ABLIM2: variants seen among roughly 807,000 people sequenced by gnomAD.
ABLIM2 encodes actin-binding LIM protein 2.
ABLIM2 carries 53 observed loss-of-function variants against 97.7 expected under a neutral mutation model. That is an observed-to-expected ratio of 0.54 (90% CI 0.44 to 0.68). ABLIM2 has a LOEUF of 0.68. Ranked by LOEUF, ABLIM2 falls within the 30% of genes least tolerant of loss-of-function variation. ABLIM2 has a pLI of 0.00. For missense variants in ABLIM2, 835 were observed against 867.2 expected (o/e 0.96, Z 0.47); for synonymous variants, 361 against 345.8 (o/e 1.04, Z -0.49).
intron 6 of ABLIM2, among the ~76,000 whole-genome samples, chr4:8,063,864 T>G (rs1420065185): frequency 6.6e-6 from 1 of 152,238 alleles, no homozygotes; most frequent in Non-Finnish European, 1.5e-5. Context: ...TGAATAAGCC[T>G]AGGCATGCCT....
chr4:8,107,041 C>A (rs1473654974), intron 1 of ABLIM2, among the ~76,000 whole-genome samples: 1 of 152,234 alleles, frequency 6.6e-6, no homozygotes, highest in Non-Finnish European at 1.5e-5. Context: ...GACAAGGCAC[C>A]CCTCTGTGAG....
intron 7 of ABLIM2, among the ~76,000 whole-genome samples, chr4:8,059,407 G>A (rs779926024): frequency 2.6e-5 from 4 of 151,980 alleles, no homozygotes; most frequent in East Asian, 3.9e-4. Context: ...CAACTCTAAC[G>A]GTGTCTCCTC....
chr4:8,054,446 G>A lies in ABLIM2; in HGVS notation c.764-200C>T, dbSNP rs1183559789. Among the ~76,000 whole-genome samples, 10 of 152,222 alleles carry A rather than the reference G, an allele frequency of 6.6e-5. No individual in the cohort carries two copies. Among genetic ancestry groups the A allele is most frequent in the Non-Finnish European group, 1.0e-4 (7 of 68,034 alleles). On this transcript the variant is annotated intron_variant, in intron 7 of 20. Coordinates refer to ENST00000447017, the MANE Select transcript of ABLIM2 (RefSeq NM_001130083.2). The surrounding 1 kb of genome is among the most constrained non-coding windows in gnomAD (Gnocchi z 4.9). ...CCAGATCACAGTCCCCGCCCCTCAG[G>A]GGCTCACAGCCCAGTTGTGGGACGG...
At position 8,003,812 on chromosome 4, in the gene ABLIM2, GC is replaced by G. The variant is rs1292939079; in HGVS notation, c.1618+4246del. 6.6e-6 allele frequency among the ~76,000 whole-genome samples: 1 copy of G among 151,960 alleles called. No homozygotes were observed. The highest frequency in any genetic ancestry group is 1.5e-5 in the Non-Finnish European group (1 of 67,998). On this transcript the variant is annotated intron_variant, in intron 16 of 20. Transcript: ENST00000447017. The surrounding 1 kb of genome is among the most constrained non-coding windows in gnomAD (Gnocchi z 4.2). The stretch of plus-strand genomic sequence containing the variant: ...ACTCCTGACCTCAGGTGATCTGCCC[GC>G]CTCGGCCTCCCAAAGTGCTGGGATT...
intron 2 of ABLIM2, among the ~76,000 whole-genome samples, chr4:8,103,013 T>C (rs1234526693): frequency 2.0e-5 from 3 of 152,200 alleles, no homozygotes; most frequent in Admixed American, 1.3e-4. Flanking sequence ...CTGCATGCCA[T>C]GCGGTGAGAA....
At chr4:8,034,613 G>C (rs1383328752) in intron 10 of ABLIM2, among the ~76,000 whole-genome samples, 1 of 65,378 alleles carries the variant, frequency 1.5e-5, no homozygotes, top group Non-Finnish European at 3.0e-5. Flanking sequence ...AGGTGGGTGG[G>C]TGGTAGGTAG....
chr4:8,010,636 C>G (rs1377054349), intron 14 of ABLIM2: 1 of 946,072 alleles, frequency 1.1e-6, no homozygotes, highest in Non-Finnish European at 1.3e-6. Context: ...CTACCTGTTT[C>G]TCCTTCTTCC....
At position 8,032,942 on chromosome 4, in the gene ABLIM2, C is replaced by T. The variant is rs1023309717; in HGVS notation, c.1048-3166G>A. ...CCAATGAGCCCAGAGCTTGTCTCTA[C>T]CTGGCCACCCCCACGTCCCACTGTT... On this transcript the variant is annotated intron_variant, in intron 10 of 20. Coordinates refer to ENST00000447017, the MANE Select transcript of ABLIM2 (RefSeq NM_001130083.2). The surrounding 1 kb of genome is among the most constrained non-coding windows in gnomAD (Gnocchi z 4.3). Among the ~76,000 whole-genome samples, 17 of 152,322 alleles carry T rather than the reference C, an allele frequency of 1.1e-4. No individual in the cohort carries two copies. The highest frequency in any genetic ancestry group is 4.1e-4 in the African/African-American group (17 of 41,564).
chr4:8,010,410 C>G, intron 14 of ABLIM2: 1 of 985,908 alleles, frequency 1.0e-6, no homozygotes, highest in Non-Finnish European at 1.2e-6. Context: ...AGGAAGGACA[C>G]GCCGAGGTGG....
Position 8,004,888 on chromosome 4 carries a change from G to A in ABLIM2, c.1618+3171C>T, listed in dbSNP as rs79911041. Among the ~76,000 whole-genome samples the A allele has an allele frequency of 8.7e-3, 1,328 of 152,338 alleles. 18 individuals carry two copies. Among genetic ancestry groups the A allele is most frequent in the African/African-American group, 0.03 (1,251 of 41,576 alleles). ...TTTCACTATGACGCCCTCTTTGGAG[G>A]GGTGGCAATGCCTGCTGGGAACTAA... On this transcript the variant is annotated intron_variant, in intron 16 of 20. Coordinates refer to ENST00000447017, the MANE Select transcript of ABLIM2 (RefSeq NM_001130083.2). This position sits in a 1 kb window ranked among gnomAD's most constrained non-coding sequence, Gnocchi z 5.9.
At chr4:8,141,538 A>G (rs897734693) in intron 1 of ABLIM2, among the ~76,000 whole-genome samples, 1 of 152,236 alleles carries the variant, frequency 6.6e-6, no homozygotes, top group African/African-American at 2.4e-5. Context: ...TATTAAGCAG[A>G]CTATGCTTTT....
rs1255743105 is a variant in ABLIM2, at chr4:7,965,846, G to T, written c.*1144C>A. 2 of 152,238 alleles carry T rather than the reference G, an allele frequency of 1.3e-5. No homozygotes were observed. The highest frequency in any genetic ancestry group is 4.8e-5 in the African/African-American group (2 of 41,430). The allele number at this position is 152,238 out of a possible 1,614,324, so 9.4% of individuals were successfully genotyped here. ...CAACAGCGTGTGGTTGTCTGTTTCA[G>T]GGAGCACATCGCTCCTGGGGCATGT... On this transcript the variant is annotated 3_prime_UTR_variant, in exon 21 of 21. Transcript: ENST00000447017.
Position 8,132,053 on chromosome 4 carries a change from G to A in ABLIM2, c.11-25416C>T, listed in dbSNP as rs1410227299. Among the ~76,000 whole-genome samples the A allele has an allele frequency of 1.3e-5, 2 of 150,442 alleles. 1 individual carries two copies. Among genetic ancestry groups the A allele is most frequent in the South Asian group, 4.1e-4 (2 of 4,822 alleles). On this transcript the variant is annotated intron_variant, in intron 1 of 20. Transcript: ENST00000447017. This position sits in a 1 kb window ranked among gnomAD's most constrained non-coding sequence, Gnocchi z 8.0. ...CTGCATCCCCGAGCACAGCTGTGCC[G>A]GCCGAGCTCAGGCCTCGGGGTGCCT...
intron 16 of ABLIM2, chr4:8,007,846 T>C (rs1762418772): frequency 5.1e-6 from 7 of 1,372,792 alleles, no homozygotes; most frequent in Non-Finnish European, 5.6e-6. Flanking sequence ...GTGGCCCTCG[T>C]TAGCACACTG....
intron 6 of ABLIM2, among the ~76,000 whole-genome samples, chr4:8,073,565 G>A (rs556871356): frequency 7.2e-5 from 11 of 152,092 alleles, no homozygotes; most frequent in Admixed American, 2.6e-4. Flanking sequence ...GAGAGGCCAC[G>A]GCCCCAGGAG....
chr4:7,997,726 T>TC (rs1399637984), intron 16 of ABLIM2, among the ~76,000 whole-genome samples: 6 of 152,148 alleles, frequency 3.9e-5, no homozygotes, highest in African/African-American at 1.4e-4. Flanking sequence ...GCTGCGTATT[T>TC]CCCCGAGTCC....
intron 11 of ABLIM2, among the ~76,000 whole-genome samples, chr4:8,028,832 A>G (rs1386856511): frequency 6.6e-6 from 1 of 152,250 alleles, no homozygotes; most frequent in Admixed American, 6.5e-5. Flanking sequence ...GGCACATTGC[A>G]AGGAGTCAAT....
At chr4:8,138,089 A>G (rs964317230) in intron 1 of ABLIM2, among the ~76,000 whole-genome samples, 3 of 152,340 alleles carry the variant, frequency 2.0e-5, no homozygotes, top group African/African-American at 7.2e-5. Context: ...GCAGGATTCC[A>G]CTGATAGGAG....
At position 8,021,105 on chromosome 4, in the gene ABLIM2, C is replaced by T. The variant is rs1005621649; in HGVS notation, c.1268-802G>A. 1.3e-5 allele frequency among the ~76,000 whole-genome samples: 2 copies of T among 152,126 alleles called. No individual in the cohort carries two copies. The highest frequency in any genetic ancestry group is 2.4e-5 in the African/African-American group (1 of 41,416). On this transcript the variant is annotated intron_variant, in intron 12 of 20. Transcript: ENST00000447017. The surrounding 1 kb of genome is among the most constrained non-coding windows in gnomAD (Gnocchi z 5.5). ...TCCTGGGCTCAAGCAATCTGCCCAC[C>T]TCTACCTCCCAAGGTGCTGGGATTA... is the stretch of plus-strand genomic sequence containing the variant.
Sources: allele counts gnomAD v4.1 joint callset (sites outside exome capture counted in the v4.1 genomes callset), GRCh38; gene constraint gnomAD v4.1.1; non-coding constraint Gnocchi (gnomAD v3.1); transcripts MANE v1.5; gene names NCBI Gene and HGNC (gene_info 2026-07-23, HGNC 2026-07-21).